The following UNC80 variants were observed in gnomAD, a reference collection of about 807,000 sequenced individuals.
UNC80 encodes the protein protein unc-80 homolog.
UNC80 carries 164 observed loss-of-function variants against 384.6 expected under a neutral mutation model. The ratio of observed to expected loss-of-function variants is 0.43; its 90% CI spans 0.38 to 0.49. The LOEUF is 0.49. Among genes scored for constraint, UNC80 ranks in the 20% least tolerant of loss-of-function variants. The pLI, the probability that UNC80 is intolerant of heterozygous loss-of-function variation, is 0.00. For synonymous variants in UNC80, 1,486 were observed against 1,527.8 expected (o/e 0.97, Z 0.64); for missense variants, 3,330 against 4,143.0 (o/e 0.80, Z 5.39).
intron 55 of UNC80, 77 bp from the exon 56 acceptor site, chr2:209,972,987 T>C: frequency 7.2e-7 from 1 of 1,380,820 alleles, no homozygotes; most frequent in South Asian, 1.4e-5. Flanking sequence ...AGAGCTGAGT[T>C]TTTCTGTATC....
chr2:209,950,002 G>T (rs1382543413), intron 47 of UNC80, among the ~76,000 whole-genome samples: 3 of 149,814 alleles, frequency 2.0e-5, no homozygotes, highest in Admixed American at 6.6e-5. Context: ...TAAGTTTTTT[G>T]ATTTTTTGAG....
chr2:209,853,954 T>A (rs1477996586), intron 22 of UNC80, among the ~76,000 whole-genome samples: 1 of 152,084 alleles, frequency 6.6e-6, no homozygotes, highest in African/African-American at 2.4e-5. Context: ...GCATATATAA[T>A]TCTTTTTCAA....
chr2:209,920,146 G>A (rs139894350), intron 33 of UNC80, among the ~76,000 whole-genome samples: 3,205 of 152,144 alleles, frequency 0.021, 124 homozygotes, highest in African/African-American at 0.073. Context: ...TCCAGCCTGG[G>A]TGACAAGAGC....
chr2:209,972,119 G>A (rs934803840), intron 54 of UNC80, 82 bp from the exon 55 acceptor site: 20 of 1,472,264 alleles, frequency 1.4e-5, no homozygotes, highest in Admixed American at 4.7e-5. Context: ...GGGAGTCACC[G>A]TCTCCATCAT....
intron 35 of UNC80, among the ~76,000 whole-genome samples, chr2:209,926,096 G>A (rs2124959220): frequency 6.6e-6 from 1 of 152,254 alleles, no homozygotes; most frequent in Non-Finnish European, 1.5e-5. Flanking sequence ...CAATGAGGAT[G>A]AAAACATTAA....
At chr2:209,990,731 G>A (rs1229861714) in intron 61 of UNC80, among the ~76,000 whole-genome samples, 1 of 152,116 alleles carries the variant, frequency 6.6e-6, no homozygotes, top group Admixed American at 6.6e-5. Flanking sequence ...TGTCTTCATG[G>A]AAAGGTCGCA....
chr2:209,852,673 T>G (rs2082615440), intron 22 of UNC80, among the ~76,000 whole-genome samples: 1 of 152,094 alleles, frequency 6.6e-6, no homozygotes, highest in African/African-American at 2.4e-5. Context: ...CATTTGGTGT[T>G]TACTGTCATT....
chr2:209,939,840 A>G (rs1379802437), intron 43 of UNC80, among the ~76,000 whole-genome samples, 188 bp downstream of exon 43: 1 of 152,148 alleles, frequency 6.6e-6, no homozygotes, highest in Non-Finnish European at 1.5e-5. Flanking sequence ...AGCATTAGGT[A>G]TATCTCCTAA....
intron 7 of UNC80, among the ~76,000 whole-genome samples, chr2:209,797,275 C>T (rs914212589): frequency 2.0e-5 from 3 of 152,006 alleles, no homozygotes; most frequent in Non-Finnish European, 4.4e-5. Flanking sequence ...ATATGAGTGC[C>T]ATGATGGTTT....
rs1402034536 is a variant in UNC80, at chr2:209,959,556, C to A, written c.7654C>A (p.Arg2552=). 10 of 1,551,540 alleles carry A rather than the reference C, an allele frequency of 6.4e-6. No homozygotes were observed. Among genetic ancestry groups the A allele is most frequent in the Non-Finnish European group, 8.7e-6 (10 of 1,146,990 alleles). ...PREELDERIA[R]EEFRRPRESL... ...AGAGGAACTGGATGAACGAATTGCT[C>A]GGGAAGAGTTCAGAAGACCCCGGGA... Residue 2552 remains arginine (R), a synonymous_variant, in exon 51 of 65, where the codon CGG becomes AGG. Coordinates refer to ENST00000673920, the MANE Select transcript of UNC80 (RefSeq NM_001371986.1).
intron 26 of UNC80, among the ~76,000 whole-genome samples, chr2:209,889,868 A>G (rs1472786891): frequency 1.3e-5 from 2 of 151,954 alleles, no homozygotes; most frequent in African/African-American, 4.8e-5. Flanking sequence ...TATGTGCCAC[A>G]TTTTCTTAAT....
chr2:209,905,585 C>G (rs2088089735), intron 29 of UNC80, among the ~76,000 whole-genome samples: 1 of 152,136 alleles, frequency 6.6e-6, no homozygotes, highest in African/African-American at 2.4e-5. Context: ...GATTTCTGAC[C>G]TCCAGAATTG....
At chr2:209,773,849 GA>G in intron 2 of UNC80, among the ~76,000 whole-genome samples, 1 of 152,240 alleles carries the variant, frequency 6.6e-6, no homozygotes, top group Non-Finnish European at 1.5e-5. Context: ...AAATAATTGT[GA>G]AAATAATACT....
Position 209,937,522 on chromosome 2 carries a change from C to T in UNC80, c.6364-7C>T. 1 of 1,542,176 alleles carries T rather than the reference C, an allele frequency of 6.5e-7. No individual in the cohort carries two copies. The highest frequency in any genetic ancestry group is 8.8e-7 in the Non-Finnish European group (1 of 1,138,888). On this transcript the variant is annotated splice_polypyrimidine_tract_variant and splice_region_variant and intron_variant, in intron 41 of 64. Coordinates refer to ENST00000673920, the MANE Select transcript of UNC80 (RefSeq NM_001371986.1). ...CTTTTTTTTGTCTCTTTATGTAATC[C>T]ACACAGACCTATGTTCGAGATATTT...
intron 22 of UNC80, among the ~76,000 whole-genome samples, chr2:209,866,529 C>CAGAGAGAGAG (rs765928807): frequency 7.9e-6 from 1 of 126,530 alleles, no homozygotes; most frequent in Non-Finnish European, 1.6e-5. Context: ...CACACACACA[C>CAGAGAGAGAG]ACACAGAGAG....
Position 209,833,930 on chromosome 2 carries a change from T to G in UNC80, c.2776-72T>G, listed in dbSNP as rs868480989. The G allele has an allele frequency of 2.0e-6, 3 of 1,471,152 alleles. No homozygotes were observed. In the East Asian group the frequency reaches 7.4e-5, roughly 36 times the overall value. 91.1% of individuals were successfully genotyped at this position (1,471,152 alleles called of 1,614,324 possible). A position where few individuals can be genotyped will look rare whatever the true frequency, so the allele number is the denominator to read the frequency against. ...TAAGCCTAAGGAATTACTTTCTTCC[T>G]CTCTACCTGGAAAAACTATTTAATC... On this transcript the variant is annotated intron_variant, in intron 16 of 64. Transcript: ENST00000673920.
chr2:209,938,927 A>G (rs935165715), intron 42 of UNC80, among the ~76,000 whole-genome samples: 2 of 152,148 alleles, frequency 1.3e-5, no homozygotes, highest in Admixed American at 6.6e-5. Flanking sequence ...CTAATCATCA[A>G]GAGAAAAGGA....
At chr2:209,873,024 C>A in intron 23 of UNC80, 54 bp downstream of exon 23, 2 of 1,463,516 alleles carry the variant, frequency 1.4e-6, no homozygotes, top group South Asian at 2.5e-5. Flanking sequence ...GAAGTGGAGT[C>A]ATTTTTTGAT....
chr2:209,880,818 A>G, intron 24 of UNC80, 143 bp from the exon 25 acceptor site: 1 of 733,662 alleles, frequency 1.4e-6, no homozygotes, highest in Non-Finnish European at 2.2e-6. Flanking sequence ...AAGTCCTCAT[A>G]TGTAATTGGA....
Sources: allele counts gnomAD v4.1 joint callset (sites outside exome capture counted in the v4.1 genomes callset), GRCh38; gene constraint gnomAD v4.1.1; transcripts MANE v1.5; gene names NCBI Gene and HGNC (gene_info 2026-07-23, HGNC 2026-07-21).